Variants in CFI observed in about 807,000 individuals in gnomAD.
CFI encodes complement factor I, also known as C3B/C4B inactivator.
A neutral mutation model predicts 78.8 loss-of-function variants in CFI; 66 were observed. That is an observed-to-expected ratio of 0.84 (90% CI 0.69 to 1.03). The LOEUF (loss-of-function observed/expected upper bound fraction) is 1.03. Among genes scored for constraint, CFI ranks in the 50% least tolerant of loss-of-function variants. The probability of loss-of-function intolerance (pLI) is 0.00; values close to 1 mark genes in which losing one functional copy is unlikely to be tolerated. For synonymous variants in CFI, 250 were observed against 232.6 expected, an observed-to-expected ratio of 1.07 and a Z score of -0.68; for missense variants, 706 against 704.5, an observed-to-expected ratio of 1.00 and a Z score of -0.02.
chr4:109,757,935 C>T lies in CFI; in HGVS notation c.884-152G>A, dbSNP rs540622364. On this transcript the variant is annotated intron_variant, in intron 6 of 12. Coordinates refer to ENST00000394634, the MANE Select transcript of CFI (RefSeq NM_000204.5). ...ATTTTTCTATTATAAAAATGATTTA[C>T]CTTGAATTGTAGGATGTCTAGCTGC... 4.1e-6 allele frequency: 6 copies of T among 1,457,548 alleles called. No homozygotes were observed. In the East Asian group the frequency reaches 1.2e-4, roughly 30 times the overall value. 90.3% of individuals were successfully genotyped at this position (1,457,548 alleles called of 1,614,324 possible).
At chr4:109,756,953 G>T (rs986991861) in intron 7 of CFI, among the ~76,000 whole-genome samples, 15 of 139,020 alleles carry the variant, frequency 1.1e-4, no homozygotes, top group South Asian at 5.1e-4. Context: ...AAGAAAGAAA[G>T]AAAGAAAGAA....
At chr4:109,756,730 C>T (rs903953198) in intron 7 of CFI, among the ~76,000 whole-genome samples, 5 of 151,280 alleles carry the variant, frequency 3.3e-5, no homozygotes, top group Admixed American at 2.0e-4. Flanking sequence ...TGTGGTGGCA[C>T]GTGCCTGTAA....
intron 4 of CFI, 49 bp downstream of exon 4, chr4:109,761,468 A>G (rs1475427543): frequency 2.6e-6 from 4 of 1,566,616 alleles, no homozygotes; most frequent in Non-Finnish European, 3.5e-6. Context: ...TTGGTGTAAA[A>G]TAAACAACCT....
intron 1 of CFI, among the ~76,000 whole-genome samples, chr4:109,767,845 C>T (rs865828908): frequency 1.5e-3 from 234 of 151,982 alleles, no homozygotes; most frequent in Middle Eastern, 0.014. Context: ...ATGTTTATTG[C>T]GGCACTATTC....
chr4:109,742,688 G>T (rs769639239), intron 11 of CFI, 93 bp from the exon 12 acceptor site: 1 of 820,012 alleles, frequency 1.2e-6, no homozygotes, highest in Non-Finnish European at 2.1e-6. Context: ...TTATGAAAGG[G>T]TGTATAGTTT....
chr4:109,801,997 T>G lies in CFI; in HGVS notation c.-26A>C. The G allele has an allele frequency of 1.3e-6, 2 of 1,575,664 alleles. No homozygotes were observed. Among genetic ancestry groups the G allele is most frequent in the Non-Finnish European group, 1.7e-6 (2 of 1,145,404 alleles). ...GTTGGAGGTGTTCGGGGTCTTTGTC[T>G]CTGCTGAGAACTCTTTTCCACTCCA... On this transcript the variant is annotated 5_prime_UTR_variant, in exon 1 of 13. Transcript: ENST00000394634.
intron 1 of CFI, among the ~76,000 whole-genome samples, chr4:109,775,803 G>T (rs539132264): frequency 2.0e-5 from 3 of 152,076 alleles, no homozygotes; most frequent in African/African-American, 7.2e-5. Flanking sequence ...GAAGCTTCCA[G>T]AGGAAGCAAC....
intron 6 of CFI, among the ~76,000 whole-genome samples, chr4:109,759,261 A>C (rs1026775423): frequency 1.9e-5 from 2 of 106,318 alleles, no homozygotes; most frequent in Non-Finnish European, 4.8e-5. Flanking sequence ...TCTAAAAAAA[A>C]AAAAAATAAT....
chr4:109,793,157 G>A (rs1731593418), intron 1 of CFI, among the ~76,000 whole-genome samples: 1 of 151,934 alleles, frequency 6.6e-6, no homozygotes, highest in Non-Finnish European at 1.5e-5. Context: ...CGGTACTATG[G>A]AGATTACAAT....
intron 8 of CFI, among the ~76,000 whole-genome samples, chr4:109,750,439 T>C (rs774973220): frequency 1.3e-5 from 2 of 152,188 alleles, no homozygotes; most frequent in East Asian, 3.8e-4. Flanking sequence ...TTAATCATCC[T>C]ATTAACCCTG....
chr4:109,749,477 GTGACT>G lies in CFI; in HGVS notation c.1044+17_1044+21del, dbSNP rs1257392095. On this transcript the variant is annotated intron_variant, in intron 9 of 12. Coordinates refer to ENST00000394634, the MANE Select transcript of CFI (RefSeq NM_000204.5). ...TAGGCTGTTTCTGGGCAGTTGCATT[GTGACT>G]TTTCATGCGACTTTACCAGTTGTGC... 1 of 1,584,978 alleles carries G rather than the reference GTGACT, an allele frequency of 6.3e-7. No individual in the cohort carries two copies. The highest frequency in any genetic ancestry group is 1.1e-5 in the South Asian group (1 of 90,486).
intron 1 of CFI, chr4:109,794,034 G>A (rs1027803700): frequency 1.3e-4 from 20 of 152,174 alleles, no homozygotes; most frequent in African/African-American, 4.3e-4. Flanking sequence ...CTAATCTTAC[G>A]GAATCTCATG....
intron 1 of CFI, among the ~76,000 whole-genome samples, chr4:109,782,430 G>GCAA (rs1405926429): frequency 7.6e-5 from 1 of 13,236 alleles, no homozygotes; most frequent in African/African-American, 2.1e-4. Context: ...TACAATAGCT[G>GCAA]CAAAAAAAAA....
chr4:109,800,319 C>CT (rs1560572852), intron 1 of CFI, among the ~76,000 whole-genome samples: 3 of 102,114 alleles, frequency 2.9e-5, no homozygotes, highest in African/African-American at 1.2e-4. Context: ...TTTGGCTTCT[C>CT]TGTTTTTTTT....
At chr4:109,777,892 T>C (rs1346012192) in intron 1 of CFI, among the ~76,000 whole-genome samples, 3 of 152,012 alleles carry the variant, frequency 2.0e-5, no homozygotes, top group Admixed American at 6.6e-5. Flanking sequence ...ACTGGGTACA[T>C]AACGAAATGA....
the CFI span, among the ~76,000 whole-genome samples, chr4:109,731,755 GTAT>G: frequency 6.6e-6 from 1 of 152,152 alleles, no homozygotes; most frequent in Non-Finnish European, 1.5e-5. Context: ...TCCCTGGAAG[GTAT>G]TATTATCTTC....
chr4:109,764,339 C>A, intron 3 of CFI, 198 bp downstream of exon 3: 1 of 634,692 alleles, frequency 1.6e-6, no homozygotes, highest in Non-Finnish European at 2.8e-6. Context: ...GACTTATTAT[C>A]CATGCTTTGT....
In CFI at chr4:109,764,584, C is replaced by T. The variant is rs867192736; in HGVS notation, c.435G>A (p.Trp145Ter). 1 of 1,614,156 alleles carries T rather than the reference C, an allele frequency of 6.2e-7. No homozygotes were observed. Among genetic ancestry groups the T allele is most frequent in the Non-Finnish European group, 8.5e-7 (1 of 1,180,018 alleles). The change falls in exon 3 of 13, where the codon TGG (tryptophan) becomes TGA (stop). Residue 145 changes from tryptophan (W) to a stop codon, truncating the protein, a stop_gained. Transcript: ENST00000394634. LOFTEE classifies it high-confidence loss of function. ...AGGCCACGTTGGCTTCCCTCATGCT[C>T]CAGCTGCTTTTGCATATGAACATTG... ...DKTMFICKSS[W>*]SMREANVACL... is the part of the protein sequence containing the mutation.
Position 109,761,585 on chromosome 4 carries a change from G to A in CFI, c.590C>T (p.Thr197Ile), listed in dbSNP as rs1243738913. The A allele has an allele frequency of 1.2e-6, 2 of 1,613,952 alleles. No homozygotes were observed. The highest frequency in any genetic ancestry group is 1.7e-6 in the Non-Finnish European group (2 of 1,179,998). The change falls in exon 4 of 13, where the codon ACT (threonine) becomes ATT (isoleucine). Residue 197 changes from threonine to isoleucine, a missense_variant. Thr to Ile is a moderately conservative substitution (Grantham distance 89). Coordinates refer to ENST00000394634, the MANE Select transcript of CFI (RefSeq NM_000204.5). Reference protein sequence around the residue: ...RGLETSLAECTFTKRRTMGYQ... With the variant: ...RGLETSLAECIFTKRRTMGYQ... ...ACCCATAGTTCTTCTCTTAGTAAAAGTACATTCAGCCAAACTGGTCTCTAA... is the reference window on the plus strand; with the variant it reads ...ACCCATAGTTCTTCTCTTAGTAAAAATACATTCAGCCAAACTGGTCTCTAA...
Sources: allele counts gnomAD v4.1 joint callset (sites outside exome capture counted in the v4.1 genomes callset), GRCh38; gene constraint gnomAD v4.1.1; transcripts MANE v1.5; gene names NCBI Gene and HGNC (gene_info 2026-07-23, HGNC 2026-07-21).